Variants in BPIFB4 observed in about 807,000 individuals in gnomAD.
The protein encoded by BPIFB4 is BPI fold-containing family B member 4.
A neutral mutation model predicts 69.2 loss-of-function variants in BPIFB4; 62 were observed. The ratio of observed to expected loss-of-function variants is 0.90; its 90% confidence interval spans 0.73 to 1.11. The LOEUF (loss-of-function observed/expected upper bound fraction) is 1.11. Ranked by LOEUF, BPIFB4 falls within the 50% of genes least tolerant of loss-of-function variation. The pLI, the probability that BPIFB4 is intolerant of heterozygous loss-of-function variation, is 0.00. For missense variants in BPIFB4, 789 were observed against 792.0 expected, an observed-to-expected ratio of 1.00 and a Z score of 0.04; for synonymous variants, 330 against 332.7, an observed-to-expected ratio of 0.99 and a Z score of 0.09.
chr20:33,104,568 G>C (rs763077531), intron 15 of BPIFB4: 16 of 476,018 alleles, frequency 3.4e-5, no homozygotes, highest in Non-Finnish European at 5.6e-5. Context: ...CTTCATAGGG[G>C]CCTTGGGCCA....
In BPIFB4 at chr20:33,086,108, G is replaced by A. The variant is rs143049942; in HGVS notation, c.870G>A (p.Leu290=). 850 of 1,613,484 alleles carry A rather than the reference G, an allele frequency of 5.3e-4. 6 individuals carry two copies. The African/African-American group carries it at 9.8e-3, about 19-fold the overall frequency. ...LTMDRTGYPR[L]VIERCDTLLG... ...TGGACCGCACGGGTTATCCTCGGCT[G>A]GTCATTGAGCGATGTGACACCCTCC... Residue 290 remains leucine, a synonymous_variant, in exon 7 of 18, where the codon CTG becomes CTA. Coordinates refer to ENST00000375483, the MANE Select transcript of BPIFB4 (RefSeq NM_182519.3).
Sources: gnomAD v4.1 joint callset for allele counts on GRCh38, gnomAD v4.1.1 for gene constraint, MANE v1.5 for transcripts, NCBI Gene and HGNC (gene_info 2026-07-23, HGNC 2026-07-21) for gene names.